Variants in ENAH observed in about 807,000 individuals in gnomAD.
The protein encoded by ENAH is ENAH actin regulator.
In ENAH, 23 loss-of-function variants were observed where a neutral mutation model predicts 78.7. That is an observed-to-expected ratio of 0.29 (90% CI 0.21 to 0.41). The LOEUF is 0.41. Ranked by LOEUF, ENAH falls within the 10% of genes least tolerant of loss-of-function variation. The probability of loss-of-function intolerance (pLI) is 1.00; values close to 1 mark genes in which losing one functional copy is unlikely to be tolerated. For synonymous variants in ENAH, 226 were observed against 241.0 expected, an observed-to-expected ratio of 0.94 and a Z score of 0.58; for missense variants, 544 against 691.0, an observed-to-expected ratio of 0.79 and a Z score of 2.39.
At chr1:225,546,080 T>A (rs1193796605) in intron 3 of ENAH, among the ~76,000 whole-genome samples, 1 of 151,978 alleles carries the variant, frequency 6.6e-6, no homozygotes, top group Admixed American at 6.6e-5. Context: ...TACGCCATCA[T>A]GCCCACCTAA....
chr1:225,623,458 A>G (rs1035216537), intron 1 of ENAH, among the ~76,000 whole-genome samples: 3 of 152,086 alleles, frequency 2.0e-5, no homozygotes, highest in Middle Eastern at 6.8e-3. Flanking sequence ...CCATTAACAA[A>G]TTTTTCTTTT....
chr1:225,498,236 A>G (rs879360374), intron 13 of ENAH, 111 bp downstream of exon 13: 13 of 818,760 alleles, frequency 1.6e-5, no homozygotes, highest in Non-Finnish European at 2.6e-5. Context: ...AGGACTATGG[A>G]AGTCATTGCC....
In ENAH at chr1:225,574,168, A is replaced by AT. The variant is rs1360597542; in HGVS notation, c.6-6755dup. ...ATCAATTTATTGGGCTATGTCTACA[A>AT]TATTATGACATTTCAAAGATTAAAG... is the stretch of plus-strand genomic sequence containing the variant. On this transcript the variant is annotated intron_variant, in intron 1 of 13. Coordinates refer to ENST00000366843, the MANE Select transcript of ENAH (RefSeq NM_018212.6). Among the ~76,000 whole-genome samples, 21 of 152,302 alleles carry AT rather than the reference A, an allele frequency of 1.4e-4. No homozygotes were observed. The South Asian group carries it at 2.3e-3, about 17-fold the overall frequency.
intron 1 of ENAH, among the ~76,000 whole-genome samples, chr1:225,598,548 T>C (rs79756420): frequency 4.0e-5 from 6 of 148,812 alleles, no homozygotes; most frequent in Admixed American, 6.8e-5. Flanking sequence ...GAGTTTTTTT[T>C]AATCAACAGG....
At chr1:225,631,441 G>A (rs1659029053) in intron 1 of ENAH, among the ~76,000 whole-genome samples, 1 of 151,860 alleles carries the variant, frequency 6.6e-6, no homozygotes, top group Non-Finnish European at 1.5e-5. Flanking sequence ...GGACGTGGTG[G>A]CACACGCCTG....
At chr1:225,548,893 A>G (rs1411070975) in intron 3 of ENAH, among the ~76,000 whole-genome samples, 2 of 141,684 alleles carry the variant, frequency 1.4e-5, no homozygotes, top group African/African-American at 5.3e-5. Flanking sequence ...CTTGTCACCC[A>G]GGCTGGAGTG....
intron 1 of ENAH, among the ~76,000 whole-genome samples, chr1:225,649,618 C>T (rs1270583075): frequency 1.3e-5 from 2 of 152,152 alleles, no homozygotes. Flanking sequence ...TCAACCTTTC[C>T]ACTGTCCTGT....
chr1:225,614,348 T>C (rs2097011586), intron 1 of ENAH, among the ~76,000 whole-genome samples: 1 of 152,154 alleles, frequency 6.6e-6, no homozygotes, highest in Non-Finnish European at 1.5e-5. Flanking sequence ...TGTGAGCCAC[T>C]GTGCCCAGCC....
chr1:225,554,128 T>C (rs1318689908), intron 3 of ENAH, among the ~76,000 whole-genome samples: 1 of 152,196 alleles, frequency 6.6e-6, no homozygotes, highest in Non-Finnish European at 1.5e-5. Flanking sequence ...TTACAGTACA[T>C]TTATATCATT....
At chr1:225,578,628 C>A (rs1162959375) in intron 1 of ENAH, among the ~76,000 whole-genome samples, 1 of 152,188 alleles carries the variant, frequency 6.6e-6, no homozygotes, top group Admixed American at 6.5e-5. Context: ...AAGCAATGCT[C>A]TTTCTTGTAA....
At chr1:225,554,854 G>A in intron 3 of ENAH, 52 bp downstream of exon 3, 1 of 1,401,058 alleles carries the variant, frequency 7.1e-7, no homozygotes, top group Non-Finnish European at 9.6e-7. Flanking sequence ...CTTCAGTTTT[G>A]CTTTGTCTCT....
chr1:225,652,543 A>C (rs1663219127), intron 1 of ENAH, 143 bp downstream of exon 1: 7 of 1,063,288 alleles, frequency 6.6e-6, no homozygotes, highest in Non-Finnish European at 2.4e-6. Flanking sequence ...TGGAAGGGAC[A>C]AAAGGCGGAG....
Position 225,512,725 on chromosome 1 carries a change from G to A in ENAH, c.1365-11C>T. On this transcript the variant is annotated splice_polypyrimidine_tract_variant and intron_variant, in intron 8 of 13. Transcript: ENST00000366843. ...TCAGCAATTCTTCTCCTACAAAGAA[G>A]GCAAATCCGATTTTTAAAAATATTA... The A allele has an allele frequency of 1.2e-6, 2 of 1,612,656 alleles. No homozygotes were observed. The highest frequency in any genetic ancestry group is 1.7e-6 in the Non-Finnish European group (2 of 1,179,652).
intron 4 of ENAH, among the ~76,000 whole-genome samples, chr1:225,528,199 A>C (rs1275334351): frequency 5.3e-5 from 8 of 152,200 alleles, no homozygotes; most frequent in Admixed American, 5.2e-4. Context: ...GTAATACTCA[A>C]ATGTAAAATA....
Position 225,514,813 on chromosome 1 carries a change from G to T in ENAH, c.1001C>A (p.Pro334Gln). 1 of 1,559,566 alleles carries T rather than the reference G, an allele frequency of 6.4e-7. No homozygotes were observed. Among genetic ancestry groups the T allele is most frequent in the Non-Finnish European group, 8.6e-7 (1 of 1,157,796 alleles). ...AQASVALPPPPGPPPPPPLPS... is the reference protein window; with the variant it reads ...AQASVALPPPQGPPPPPPLPS... ...GAGTGGAGGAGGTGGAGGGGGCCCT[G>T]GGGGAGGAGGGAGGGCTACTGAAGC... The change falls in exon 7 of 14, where the codon CCA (proline) becomes CAA (glutamine). Residue 334 changes from proline to glutamine, a missense_variant. Physicochemically the swap from Pro to Gln is moderately conservative, Grantham distance 76. Transcript: ENST00000366843.
intron 1 of ENAH, among the ~76,000 whole-genome samples, chr1:225,649,544 G>T (rs940238294): frequency 3.3e-5 from 5 of 152,056 alleles, no homozygotes; most frequent in African/African-American, 4.8e-5. Flanking sequence ...TTGAAACATT[G>T]CATAAATGAA....
intron 4 of ENAH, chr1:225,524,752 G>T: frequency 1.5e-6 from 1 of 687,078 alleles, no homozygotes; most frequent in Non-Finnish European, 1.8e-6. Context: ...GGTGATTTGC[G>T]AACTATTTAT....
chr1:225,569,904 C>G (rs1434297735), intron 1 of ENAH, among the ~76,000 whole-genome samples: 1 of 152,000 alleles, frequency 6.6e-6, no homozygotes, highest in East Asian at 1.9e-4. Flanking sequence ...ACTGTGTAGC[C>G]CTAGAAGATA....
chr1:225,536,737 ATTAT>A (rs1420297452), intron 3 of ENAH, among the ~76,000 whole-genome samples: 6 of 152,058 alleles, frequency 3.9e-5, no homozygotes, highest in South Asian at 4.1e-4. Context: ...ATTTTTAGAA[ATTAT>A]TTAACATAAT....
Sources: allele counts gnomAD v4.1 joint callset (sites outside exome capture counted in the v4.1 genomes callset), GRCh38; gene constraint gnomAD v4.1.1; transcripts MANE v1.5; gene names NCBI Gene and HGNC (gene_info 2026-07-23, HGNC 2026-07-21).